Variants in ATXN2 observed in about 807,000 individuals in gnomAD.
ATXN2 encodes the protein ataxin 2, also known as ataxin-2.
Under a neutral mutation model 138.6 loss-of-function variants are expected in ATXN2, and 37 were observed. That is an observed-to-expected ratio of 0.27 (90% CI 0.21 to 0.35). The LOEUF (loss-of-function observed/expected upper bound fraction) is 0.35. Ranked by LOEUF, ATXN2 falls within the 10% of genes least tolerant of loss-of-function variation. The pLI is 1.00. For synonymous variants in ATXN2, 549 were observed against 543.7 expected, an observed-to-expected ratio of 1.01 and a Z score of -0.13; for missense variants, 1,216 against 1,480.3, an observed-to-expected ratio of 0.82 and a Z score of 2.93.
At chr12:111,507,205 G>A (rs1473146865) in intron 14 of ATXN2, among the ~76,000 whole-genome samples, 3 of 150,940 alleles carry the variant, frequency 2.0e-5, no homozygotes, top group Middle Eastern at 6.9e-3. Context: ...CCGCCATCCC[G>A]TCTAGGAAGT....
At chr12:111,463,671 C>T (rs774627481) in intron 21 of ATXN2, among the ~76,000 whole-genome samples, 1 of 152,156 alleles carries the variant, frequency 6.6e-6, no homozygotes, top group Non-Finnish European at 1.5e-5. Flanking sequence ...CATGAAGGAG[C>T]AACTATTTCT....
At chr12:111,529,147 T>C (rs1483255144) in intron 5 of ATXN2, among the ~76,000 whole-genome samples, 1 of 151,328 alleles carries the variant, frequency 6.6e-6, no homozygotes, top group Non-Finnish European at 1.5e-5. Context: ...AAAAAAACAC[T>C]GTTGGTAGTA....
At chr12:111,553,883 G>A (rs1357812253) in intron 3 of ATXN2, among the ~76,000 whole-genome samples, 1 of 152,064 alleles carries the variant, frequency 6.6e-6, no homozygotes, top group Non-Finnish European at 1.5e-5. Context: ...TTACAGGCGT[G>A]AGTCACTGTG....
intron 1 of ATXN2, among the ~76,000 whole-genome samples, chr12:111,580,440 C>T (rs567438012): frequency 6.7e-6 from 1 of 150,288 alleles, no homozygotes; most frequent in South Asian, 2.1e-4. Context: ...CGAGGTTACA[C>T]AGTTACAGTA....
At chr12:111,497,632 T>C (rs1878502600) in intron 14 of ATXN2, among the ~76,000 whole-genome samples, 1 of 151,100 alleles carries the variant, frequency 6.6e-6, no homozygotes, top group Non-Finnish European at 1.5e-5. Context: ...AAAATATATA[T>C]ATATATTATT....
At chr12:111,469,759 TTTA>T in intron 20 of ATXN2, 1 of 312,198 alleles carries the variant, frequency 3.2e-6, no homozygotes, top group South Asian at 1.5e-4. Context: ...CCTTTATGCT[TTTA>T]TTATTATAAA....
intron 6 of ATXN2, among the ~76,000 whole-genome samples, chr12:111,524,703 A>G (rs1313762160): frequency 6.6e-6 from 1 of 152,202 alleles, no homozygotes; most frequent in Non-Finnish European, 1.5e-5. Context: ...CAAATTTAAG[A>G]CCAAGAAATT....
At chr12:111,462,493 T>C (rs1055138159) in intron 21 of ATXN2, among the ~76,000 whole-genome samples, 3 of 152,176 alleles carry the variant, frequency 2.0e-5, no homozygotes, top group Admixed American at 2.0e-4. Flanking sequence ...AAATCTGATG[T>C]TAAATTCAGA....
intron 5 of ATXN2, among the ~76,000 whole-genome samples, chr12:111,545,313 A>C (rs1413516879): frequency 1.3e-5 from 2 of 149,084 alleles, no homozygotes; most frequent in Non-Finnish European, 3.0e-5. Context: ...AAAAAAAAAG[A>C]TGGCCAGGCG....
At position 111,598,147 on chromosome 12, in the gene ATXN2, C is replaced by A. The variant is rs895222092; in HGVS notation, c.251+637G>T. 3 of 1,112,522 alleles carry A rather than the reference C, an allele frequency of 2.7e-6. No individual in the cohort carries two copies. Among genetic ancestry groups the A allele is most frequent in the Non-Finnish European group, 3.3e-6 (3 of 900,474 alleles). The allele number at this position is 1,112,522 out of a possible 1,614,324, so 68.9% of individuals were successfully genotyped here. ...CCCCCGCCGCCGCCTCGGACACGAA[C>A]GCAGAGGGGTGCGGGGGCCAAGGCC... is the stretch of plus-strand genomic sequence containing the variant. On this transcript the variant is annotated intron_variant, in intron 1 of 24. Transcript: ENST00000673436. The surrounding 1 kb of genome is among the most constrained non-coding windows in gnomAD (Gnocchi z 4.5).
At chr12:111,592,694 A>G (rs924223932) in intron 1 of ATXN2, among the ~76,000 whole-genome samples, 7 of 147,198 alleles carry the variant, frequency 4.8e-5, no homozygotes, top group African/African-American at 1.7e-4. Flanking sequence ...GAGGCAGGAG[A>G]ATCACTTGAA....
chr12:111,470,351 A>G, intron 19 of ATXN2, 111 bp from the exon 20 acceptor site: 1 of 1,347,298 alleles, frequency 7.4e-7, no homozygotes, highest in East Asian at 2.4e-5. Context: ...AAACAGCTGT[A>G]AACTCTCAAA....
At chr12:111,584,758 G>C (rs561618693) in intron 1 of ATXN2, among the ~76,000 whole-genome samples, 74 of 152,076 alleles carry the variant, frequency 4.9e-4, no homozygotes, top group Non-Finnish European at 9.4e-4. Context: ...CTGAGGTCAG[G>C]AGTTCAAGAC....
intron 21 of ATXN2, among the ~76,000 whole-genome samples, chr12:111,459,048 C>A (rs545046009): frequency 1.3e-5 from 2 of 152,330 alleles, no homozygotes; most frequent in East Asian, 1.9e-4. Flanking sequence ...TCCTTCATAT[C>A]CAGTTTAGAC....
Position 111,598,527 on chromosome 12 carries a change from C to A in ATXN2, c.251+257G>T. Reference sequence around the variant, plus strand: ...ACACGCGTGGGGAGGGGAGGCCGCCCGCTCCCTCCATCTTGACCGCCGGGG... The same window carrying A: ...ACACGCGTGGGGAGGGGAGGCCGCCAGCTCCCTCCATCTTGACCGCCGGGG... On this transcript the variant is annotated intron_variant, in intron 1 of 24. Coordinates refer to ENST00000673436, the MANE Select transcript of ATXN2 (RefSeq NM_001372574.1). The surrounding 1 kb of genome is among the most constrained non-coding windows in gnomAD (Gnocchi z 4.5). The A allele has an allele frequency of 2.0e-5, 20 of 985,274 alleles. No individual in the cohort carries two copies. The highest frequency in any genetic ancestry group is 2.4e-5 in the Non-Finnish European group (20 of 829,976). The allele number at this position is 985,274 out of a possible 1,614,324, so 61.0% of individuals were successfully genotyped here. A position where few individuals can be genotyped will look rare whatever the true frequency, so the allele number is the denominator to read the frequency against.
At chr12:111,545,367 C>G (rs945668085) in intron 5 of ATXN2, among the ~76,000 whole-genome samples, 1 of 151,610 alleles carries the variant, frequency 6.6e-6, no homozygotes, top group Non-Finnish European at 1.5e-5. Flanking sequence ...GAGGCTGAGG[C>G]AGGTGATCAC....
chr12:111,572,354 T>A (rs1883373757), intron 1 of ATXN2, among the ~76,000 whole-genome samples: 2 of 151,294 alleles, frequency 1.3e-5, no homozygotes, highest in Non-Finnish European at 2.9e-5. Flanking sequence ...TGAGCCAAGA[T>A]GGCACCATTG....
intron 1 of ATXN2, among the ~76,000 whole-genome samples, chr12:111,558,367 G>C (rs1882500531): frequency 6.6e-6 from 1 of 152,108 alleles, no homozygotes. Context: ...AAGGCCAAGA[G>C]CATATTTTAG....
intron 14 of ATXN2, among the ~76,000 whole-genome samples, chr12:111,494,445 A>G (rs1465715294): frequency 4.1e-5 from 5 of 121,928 alleles, no homozygotes; most frequent in Non-Finnish European, 8.4e-5. Flanking sequence ...TTTTTTTTTG[A>G]GACGGAGTCT....
Sources: gnomAD v4.1 joint callset for allele counts (sites outside exome capture counted in the v4.1 genomes callset) on GRCh38, gnomAD v4.1.1 for gene constraint, Gnocchi (gnomAD v3.1) non-coding constraint, MANE v1.5 for transcripts, NCBI Gene and HGNC (gene_info 2026-07-23, HGNC 2026-07-21) for gene names.